COQ8B: variants seen among roughly 807,000 people sequenced by gnomAD.
COQ8B encodes the protein atypical kinase COQ8B, mitochondrial.
In COQ8B, 44 loss-of-function variants were observed where a neutral mutation model predicts 62.0. The observed-to-expected ratio is 0.71, with a 90% CI of 0.56 to 0.91. The LOEUF is 0.91. Among genes scored for constraint, COQ8B ranks in the 40% least tolerant of loss-of-function variants. The pLI is 0.00. For synonymous variants in COQ8B, 252 were observed against 289.9 expected (o/e 0.87, Z 1.33); for missense variants, 649 against 731.6 (o/e 0.89, Z 1.30).
At chr19:40,692,843 G>A in intron 14 of COQ8B, 108 bp downstream of exon 14, 1 of 908,264 alleles carries the variant, frequency 1.1e-6, no homozygotes, top group African/African-American at 1.7e-5. Context: ...CAGTCCCCGG[G>A]TATCGACATG....
intron 4 of COQ8B, among the ~76,000 whole-genome samples, chr19:40,713,853 G>A (rs1189736631): frequency 6.6e-6 from 1 of 151,646 alleles, no homozygotes; most frequent in African/African-American, 2.4e-5. Context: ...CTCCAGCCTG[G>A]GTGACAAAGT....
At chr19:40,699,914 G>GGGAA (rs1380664739) in intron 12 of COQ8B, among the ~76,000 whole-genome samples, 153 bp downstream of exon 12, 5 of 152,330 alleles carry the variant, frequency 3.3e-5, no homozygotes, top group Non-Finnish European at 7.4e-5. Context: ...AACCACAAAA[G>GGGAA]GGAAGGAGCT....
chr19:40,703,660 A>G (rs777792753), intron 8 of COQ8B, 38 bp from the exon 9 acceptor site: 5 of 1,613,442 alleles, frequency 3.1e-6, no homozygotes, highest in African/African-American at 1.3e-5. Context: ...GGTGGGAGTC[A>G]CTTCTCTGGG....
chr19:40,697,875 G>GAGAGAGAGAGGGAC (rs58313890), intron 12 of COQ8B, among the ~76,000 whole-genome samples: 4 of 103,476 alleles, frequency 3.9e-5, no homozygotes, highest in African/African-American at 1.7e-4. Context: ...GAGAGAGAGA[G>GAGAGAGAGAGGGAC]AGTTTCTACT....
chr19:40,712,221 G>A lies in COQ8B; in HGVS notation c.289+1846C>T, dbSNP rs1198883057. ...TGGGAGGCTGAGGCAGGTGGATCAC[G>A]AGGTGAGGAGTTCGAGATCAGCTTG... On this transcript the variant is annotated intron_variant, in intron 4 of 14. Coordinates refer to ENST00000324464, the MANE Select transcript of COQ8B (RefSeq NM_024876.4). Among the ~76,000 whole-genome samples, 4 of 151,498 alleles carry A rather than the reference G, an allele frequency of 2.6e-5. No homozygotes were observed. In the East Asian group the frequency reaches 7.7e-4, roughly 29 times the overall value.
intron 12 of COQ8B, among the ~76,000 whole-genome samples, chr19:40,699,159 G>A (rs986957187): frequency 2.0e-5 from 3 of 149,446 alleles, no homozygotes; most frequent in African/African-American, 7.4e-5. Flanking sequence ...ACAGAGTCTC[G>A]CCCTGTCACC....
At chr19:40,692,477 C>A in intron 14 of COQ8B, 104 bp from the exon 15 acceptor site, 2 of 1,012,280 alleles carry the variant, frequency 2.0e-6, no homozygotes, top group Non-Finnish European at 2.9e-6. Flanking sequence ...CAGTCTCCAC[C>A]ATCAACACAA....
At chr19:40,703,693 C>A (rs375627199) in intron 8 of COQ8B, 22 bp downstream of exon 8, 3 of 1,614,074 alleles carry the variant, frequency 1.9e-6, no homozygotes, top group South Asian at 1.1e-5. Flanking sequence ...CCGCCCCTAC[C>A]CTGCCCAGCC....
intron 12 of COQ8B, among the ~76,000 whole-genome samples, chr19:40,698,700 C>T (rs922293577): frequency 5.9e-5 from 9 of 152,072 alleles, no homozygotes; most frequent in African/African-American, 1.7e-4. Context: ...CTGGAGACTC[C>T]GTGGGGCCAC....
intron 13 of COQ8B, among the ~76,000 whole-genome samples, chr19:40,693,240 G>A (rs2081988020): frequency 6.6e-6 from 1 of 152,172 alleles, no homozygotes; most frequent in Non-Finnish European, 1.5e-5. Context: ...GAGTGGAGGT[G>A]GTTAGGGATC....
At chr19:40,709,419 T>C (rs890030073) in intron 5 of COQ8B, among the ~76,000 whole-genome samples, 6 of 152,250 alleles carry the variant, frequency 3.9e-5, no homozygotes, top group African/African-American at 1.4e-4. Flanking sequence ...TTTTATTTTA[T>C]TTTTTATAAC....
Position 40,715,903 on chromosome 19 carries a change from C to T in COQ8B, c.-4+684G>A, listed in dbSNP as rs759648475. On this transcript the variant is annotated intron_variant, in intron 1 of 14. Transcript: ENST00000324464. The stretch of plus-strand genomic sequence containing the variant: ...CGCGTTGGAAAGCCTGCTCTCCCCA[C>T]AACAGGCTGACTCACCCACTTCTCA... 3.8e-4 allele frequency: 58 copies of T among 152,812 alleles called. 1 individual carries two copies. Among genetic ancestry groups the T allele is most frequent in the Non-Finnish European group, 5.7e-4 (39 of 68,252 alleles). The allele number at this position is 152,812 out of a possible 1,614,324, so 9.5% of individuals were successfully genotyped here.
intron 14 of COQ8B, 51 bp downstream of exon 14, chr19:40,692,900 C>T: frequency 6.4e-7 from 1 of 1,558,560 alleles, no homozygotes; most frequent in South Asian, 1.1e-5. Context: ...CAGCCCCCCA[C>T]TGCACCCCAC....
chr19:40,693,438 G>C (rs79616991), intron 13 of COQ8B, among the ~76,000 whole-genome samples: 1,907 of 152,366 alleles, frequency 0.013, 16 homozygotes, highest in Non-Finnish European at 0.019. Context: ...TGAGCCCCGT[G>C]AGAGCAAGGA....
At chr19:40,705,488 C>A in intron 5 of COQ8B, 41 bp from the exon 6 acceptor site, 1 of 1,506,596 alleles carries the variant, frequency 6.6e-7, no homozygotes, top group Non-Finnish European at 8.9e-7. Flanking sequence ...CCACAAATAT[C>A]ATCACTGCGG....
rs536536694 is a variant in COQ8B, at chr19:40,700,249, A to G, written c.1035+61T>C. ...GCCACTGCTGGCCTGGAGAGAGACC[A>G]TGAGCCTGGCCCACCCGCCCTGGGG... On this transcript the variant is annotated intron_variant, in intron 11 of 14. Coordinates refer to ENST00000324464, the MANE Select transcript of COQ8B (RefSeq NM_024876.4). The G allele has an allele frequency of 2.5e-6, 4 of 1,611,568 alleles. No homozygotes were observed. In the South Asian group the frequency reaches 4.4e-5, roughly 18 times the overall value.
At chr19:40,711,310 C>A (rs1039600507) in intron 4 of COQ8B, among the ~76,000 whole-genome samples, 2 of 152,122 alleles carry the variant, frequency 1.3e-5, no homozygotes, top group Admixed American at 1.3e-4. Context: ...TAACTCACTG[C>A]AGCCTCAAAT....
chr19:40,714,038 A>C, intron 4 of COQ8B, 29 bp downstream of exon 4: 2 of 1,612,432 alleles, frequency 1.2e-6, no homozygotes, highest in Non-Finnish European at 1.7e-6. Flanking sequence ...AATTGAGGTC[A>C]CACCAAGATC....
chr19:40,703,890 CAG>C, intron 7 of COQ8B, 35 bp from the exon 8 acceptor site: 1 of 1,581,506 alleles, frequency 6.3e-7, no homozygotes, highest in Non-Finnish European at 8.6e-7. Context: ...ATCATTGTGG[CAG>C]AGTTCATTCC....
Sources: gnomAD v4.1 joint callset for allele counts (sites outside exome capture counted in the v4.1 genomes callset) on GRCh38, gnomAD v4.1.1 for gene constraint, MANE v1.5 for transcripts, NCBI Gene and HGNC (gene_info 2026-07-23, HGNC 2026-07-21) for gene names.